Variants in COL4A6 observed in about 807,000 individuals in gnomAD.
COL4A6 encodes the protein collagen type IV alpha 6 chain.
A neutral mutation model predicts 126.7 loss-of-function variants in COL4A6; 59 were observed. The ratio of observed to expected loss-of-function variants is 0.47; its 90% CI spans 0.38 to 0.58. The LOEUF is 0.58. Ranked by LOEUF, COL4A6 falls within the 20% of genes least tolerant of loss-of-function variation. The pLI is 0.00. For synonymous variants in COL4A6, 547 were observed against 496.6 expected, an observed-to-expected ratio of 1.10 and a Z score of -1.35; for missense variants, 1,285 against 1,337.3, an observed-to-expected ratio of 0.96 and a Z score of 0.61.
At chrX:108,334,076 G>A (rs1278919829) in intron 2 of COL4A6, among the ~76,000 whole-genome samples, 3 of 111,572 alleles carry the variant, frequency 2.7e-5, no homozygotes. Flanking sequence ...CCATAAAAGG[G>A]CCTGAATAGC....
chrX:108,166,896 A>G (rs891753987), intron 37 of COL4A6, among the ~76,000 whole-genome samples: 1 of 111,791 alleles, frequency 8.9e-6, no homozygotes, highest in South Asian at 3.7e-4. Flanking sequence ...TAAAGCATAT[A>G]TATGTATAGC....
chrX:108,434,717 C>T (rs191666560), intron 2 of COL4A6, among the ~76,000 whole-genome samples: 143 of 107,879 alleles, frequency 1.3e-3, no homozygotes, highest in Non-Finnish European at 2.3e-3. Flanking sequence ...TGATGATTTA[C>T]TTAATAGTGT....
At chrX:108,326,984 T>G in intron 2 of COL4A6, among the ~76,000 whole-genome samples, 1 of 111,392 alleles carries the variant, frequency 9.0e-6, no homozygotes, top group Admixed American at 9.5e-5. Context: ...TGAATGATAT[T>G]CTTATGAGAA....
At chrX:108,204,792 T>C (rs2035496448) in intron 11 of COL4A6, among the ~76,000 whole-genome samples, 1 of 111,862 alleles carries the variant, frequency 8.9e-6, no homozygotes, top group Admixed American at 9.5e-5. Flanking sequence ...GAGGCAATGA[T>C]GTTCATGTTA....
chrX:108,396,014 TTCTC>T (rs1160711975), intron 2 of COL4A6, among the ~76,000 whole-genome samples: 3 of 111,535 alleles, frequency 2.7e-5, no homozygotes, highest in Non-Finnish European at 5.7e-5. Flanking sequence ...AAAATGTTAA[TTCTC>T]TCTCCTTTTT....
At chrX:108,428,731 C>G (rs1402801745) in intron 2 of COL4A6, among the ~76,000 whole-genome samples, 2 of 109,576 alleles carry the variant, frequency 1.8e-5, no homozygotes, top group Non-Finnish European at 3.8e-5. Flanking sequence ...GAAAATGTGA[C>G]CAGGATGAGG....
intron 3 of COL4A6, among the ~76,000 whole-genome samples, chrX:108,265,299 T>A (rs1186796714): frequency 1.8e-5 from 2 of 110,870 alleles, no homozygotes; most frequent in East Asian, 5.7e-4. Flanking sequence ...GGTTTGAAAA[T>A]CAGGCATTCT....
At chrX:108,217,529 C>A (rs1019596142) in intron 5 of COL4A6, among the ~76,000 whole-genome samples, 2 of 110,531 alleles carry the variant, frequency 1.8e-5, no homozygotes, top group African/African-American at 6.6e-5. Context: ...CTGAGAGGAA[C>A]GGAAGATATA....
intron 4 of COL4A6, 168 bp downstream of exon 4, chrX:108,221,072 T>C (rs1962431845): frequency 1.6e-6 from 1 of 629,329 alleles, no homozygotes. Context: ...TACTCCAGCC[T>C]GGGCAACAGG....
intron 20 of COL4A6, among the ~76,000 whole-genome samples, chrX:108,190,009 C>T (rs1179235699): frequency 8.9e-6 from 1 of 112,461 alleles, no homozygotes. Context: ...TAGGGTTGTT[C>T]TCCTGGAGCC....
chrX:108,264,559 T>C (rs191034962), intron 3 of COL4A6, among the ~76,000 whole-genome samples: 57 of 111,815 alleles, frequency 5.1e-4, no homozygotes, highest in Non-Finnish European at 9.8e-4. Flanking sequence ...CTTCCTGCTT[T>C]GGAGGAGAAG....
At chrX:108,353,521 A>G (rs1429425881) in intron 2 of COL4A6, among the ~76,000 whole-genome samples, 2 of 112,226 alleles carry the variant, frequency 1.8e-5, no homozygotes, top group Non-Finnish European at 3.8e-5. Flanking sequence ...ACACCAAAAG[A>G]TCACTTCCTA....
chrX:108,422,081 A>G (rs1241768854), intron 2 of COL4A6, among the ~76,000 whole-genome samples: 9 of 112,296 alleles, frequency 8.0e-5, no homozygotes, highest in African/African-American at 2.9e-4. Flanking sequence ...CAATAGTTAT[A>G]AAAAACAAAA....
chrX:108,195,334 C>A (rs2035180237), intron 14 of COL4A6, among the ~76,000 whole-genome samples: 1 of 108,277 alleles, frequency 9.2e-6, no homozygotes, highest in Non-Finnish European at 1.9e-5. Context: ...TGCAGTGGTA[C>A]AATCTCGGCT....
chrX:108,217,054 G>C (rs1052290388), intron 5 of COL4A6, among the ~76,000 whole-genome samples: 5 of 112,297 alleles, frequency 4.5e-5, no homozygotes, highest in African/African-American at 1.6e-4. Flanking sequence ...CCTAGTCTAT[G>C]TTGTTCTAAT....
In COL4A6 at chrX:108,310,783, C is replaced by T. The variant is rs1407405148; in HGVS notation, c.109G>A (p.Gly37Arg). 8.3e-7 allele frequency: 1 copy of T among 1,208,884 alleles called. No individual in the cohort carries two copies. Among genetic ancestry groups the T allele is most frequent in the African/African-American group, 1.8e-5 (1 of 57,079 alleles). ...TTCTCAGGAAAACACTGACAGCTCC[C>T]ACTGCAGTCCTGGCCCCCACATGGC... ...GKPCGGQDCS[G>R]SCQCFPEKGA... Residue 37 changes from glycine (G) to arginine (R), a missense_variant, in exon 3 of 45, where the codon GGG (glycine) becomes AGG (arginine). Gly to Arg is a moderately radical substitution (Grantham distance 125). Coordinates refer to ENST00000334504, the MANE Select transcript of COL4A6 (RefSeq NM_033641.4).
At chrX:108,438,981 A>T (rs1425506159), upstream of COL4A6, among the ~76,000 whole-genome samples, 19 of 111,793 alleles carry the variant, frequency 1.7e-4, no homozygotes, top group African/African-American at 4.2e-4. Context: ...TTGTTACTTT[A>T]AAAAAAATCT....
chrX:108,214,128 C>T lies in COL4A6; in HGVS notation c.425G>A (p.Gly142Glu). The change falls in exon 6 of 45, where the codon GGG (glycine) becomes GAG (glutamate). Residue 142 changes from glycine (G) to glutamate (E), a missense_variant. Gly to Glu is a moderately conservative substitution (Grantham distance 98, BLOSUM62 -2). Coordinates refer to ENST00000334504, the MANE Select transcript of COL4A6 (RefSeq NM_033641.4). ...GCAGCATACGGGTGGTCCGAGAAGC[C>T]CAGGATAGCCATCAGGGCCTGGAAA... Reference protein sequence around the residue: ...VGFPGPDGYPGLLGPPGLPGQ... With the variant: ...VGFPGPDGYPELLGPPGLPGQ... The T allele has an allele frequency of 8.3e-7, 1 of 1,207,654 alleles. No individual in the cohort carries two copies. Among genetic ancestry groups the T allele is most frequent in the Non-Finnish European group, 1.1e-6 (1 of 892,886 alleles).
intron 2 of COL4A6, chrX:108,383,457 G>A (rs2040609351): frequency 2.1e-6 from 1 of 477,980 alleles, no homozygotes; most frequent in Non-Finnish European, 3.9e-6. Flanking sequence ...CCTACAATGA[G>A]TTTTGGGAGG....
Sources: allele counts gnomAD v4.1 joint callset (sites outside exome capture counted in the v4.1 genomes callset), GRCh38; gene constraint gnomAD v4.1.1; transcripts MANE v1.5; gene names NCBI Gene and HGNC (gene_info 2026-07-23, HGNC 2026-07-21).